Variants in PEX5 observed in about 807,000 individuals in gnomAD.
The protein encoded by PEX5 is PTS1 receptor.
In PEX5, 52 loss-of-function variants were observed where a neutral mutation model predicts 82.9. The ratio of observed to expected loss-of-function variants is 0.63; its 90% CI spans 0.50 to 0.79. The LOEUF (loss-of-function observed/expected upper bound fraction) is 0.79. Ranked by LOEUF, PEX5 falls within the 30% of genes least tolerant of loss-of-function variation. The pLI is 0.00. For synonymous variants in PEX5, 300 were observed against 318.8 expected, an observed-to-expected ratio of 0.94 and a Z score of 0.63; for missense variants, 719 against 815.2, an observed-to-expected ratio of 0.88 and a Z score of 1.44.
downstream of PEX5, among the ~76,000 whole-genome samples, chr12:7,211,954 A>AT (rs1945606685): frequency 6.8e-6 from 1 of 148,086 alleles, no homozygotes; most frequent in African/African-American, 2.5e-5. Context: ...TTGGAAAAAA[A>AT]ATTTTTTTTT....
chr12:7,207,503 A>G (rs971876968), intron 10 of PEX5, among the ~76,000 whole-genome samples, 156 bp from the exon 11 acceptor site: 3 of 152,190 alleles, frequency 2.0e-5, no homozygotes, highest in Admixed American at 6.5e-5. Context: ...TACTTGTGTC[A>G]TACATGATCT....
intron 5 of PEX5, among the ~76,000 whole-genome samples, chr12:7,198,109 AC>A (rs1440774921): frequency 2.6e-5 from 4 of 151,926 alleles, no homozygotes; most frequent in Admixed American, 6.6e-5. Context: ...ACAGTTCAGC[AC>A]CCTCATTGAG....
upstream of PEX5, chr12:7,189,547 A>C: frequency 5.2e-6 from 1 of 193,780 alleles, no homozygotes. Flanking sequence ...CTTCCCCTTT[A>C]AGACTCACGG....
At position 7,210,074 on chromosome 12, in the gene PEX5, G is replaced by C. The variant is rs375897299; in HGVS notation, c.1771G>C (p.Gly591Arg). ...EALNMQRKSR[G>R]PRGEGGAMSE... ...CCTGAACATGCAGAGGAAAAGCCGG[G>C]GCCCCCGGGGTGAAGGAGGTGCCAT... Residue 591 changes from glycine (G) to arginine (R), a missense_variant, in exon 16 of 16, where the codon GGC (glycine) becomes CGC (arginine). By Grantham distance (125) the Gly-to-Arg change is moderately radical. Coordinates refer to ENST00000675855, the MANE Select transcript of PEX5 (RefSeq NM_001351132.2). 6.2e-7 allele frequency: 1 copy of C among 1,614,254 alleles called. No homozygotes were observed. The highest frequency in any genetic ancestry group is 1.1e-5 in the South Asian group (1 of 91,086).
chr12:7,196,335 T>C (rs1456661885), intron 5 of PEX5, among the ~76,000 whole-genome samples: 2 of 134,350 alleles, frequency 1.5e-5, no homozygotes, highest in African/African-American at 5.3e-5. Context: ...TCATAATTTA[T>C]ATATGTCATA....
chr12:7,189,832 G>T, intron 1 of PEX5, 82 bp downstream of exon 1: 1 of 1,107,144 alleles, frequency 9.0e-7, no homozygotes, highest in Non-Finnish European at 1.2e-6. Flanking sequence ...GGTCCCAGGG[G>T]CGGGGCTGGA....
intron 4 of PEX5, 104 bp downstream of exon 4, chr12:7,191,462 A>C (rs1419748647): frequency 6.3e-7 from 1 of 1,594,400 alleles, no homozygotes; most frequent in African/African-American, 1.3e-5. Flanking sequence ...TGAGATGCAG[A>C]AGGAGACAAA....
rs1483025256 is a variant in PEX5, at chr12:7,210,645, A to C, written c.*422A>C. The stretch of plus-strand genomic sequence containing the variant: ...AGCTTCCTTGGGCAGTGTAAGTAGG[A>C]GGTTCATCTGCTGTGCGCCTCTAAT... On this transcript the variant is annotated 3_prime_UTR_variant, in exon 16 of 16. Coordinates refer to ENST00000675855, the MANE Select transcript of PEX5 (RefSeq NM_001351132.2). The C allele has an allele frequency of 3.1e-6, 1 of 321,318 alleles. No individual in the cohort carries two copies. The highest frequency in any genetic ancestry group is 6.1e-6 in the Non-Finnish European group (1 of 165,216). The allele number at this position is 321,318 out of a possible 1,614,324, so 19.9% of individuals were successfully genotyped here.
intron 3 of PEX5, 52 bp from the exon 4 acceptor site, chr12:7,191,174 T>TG (rs1941028475): frequency 2.5e-6 from 4 of 1,612,102 alleles, no homozygotes; most frequent in Middle Eastern, 1.7e-4. Context: ...TCCTGCCTCT[T>TG]GCTGGGGCCT....
At position 7,196,024 on chromosome 12, in the gene PEX5, C is replaced by CATTATAA. The variant is rs1555174622; in HGVS notation, c.449-2981_449-2980insAATTATA. Among the ~76,000 whole-genome samples, 8 of 66,962 alleles carry CATTATAA rather than the reference C, an allele frequency of 1.2e-4. No homozygotes were observed. The East Asian group carries it at 2.2e-3, about 18-fold the overall frequency. 43.9% of individuals were successfully genotyped at this position (66,962 alleles called of 152,430 possible). A position where few individuals can be genotyped will look rare whatever the true frequency, so the allele number is the denominator to read the frequency against. On this transcript the variant is annotated intron_variant, in intron 5 of 15. Transcript: ENST00000675855. ...CAACCATATTTCTTATTACATTATA[C>CATTATAA]ATTATATATTATATATATTATATAT...
intron 10 of PEX5, among the ~76,000 whole-genome samples, chr12:7,205,948 A>G (rs1160491022): frequency 6.6e-6 from 1 of 152,236 alleles, no homozygotes; most frequent in African/African-American, 2.4e-5. Context: ...TACAGATAGT[A>G]TCTTAAGCTT....
rs11339507 is a variant in PEX5, at chr12:7,193,234, CTT to C, written c.448+1552_448+1553del. ...TCATGTCTGTGTGGCTCTTGAGATTCTTTTTTTTTTTTTTTTTTTGAGACAGG... is the reference window on the plus strand; with the variant it reads ...TCATGTCTGTGTGGCTCTTGAGATTCTTTTTTTTTTTTTTTTTGAGACAGG... On this transcript the variant is annotated intron_variant, in intron 5 of 15. Coordinates refer to ENST00000675855, the MANE Select transcript of PEX5 (RefSeq NM_001351132.2). Among the ~76,000 whole-genome samples, 372 of 121,054 alleles carry C rather than the reference CTT, an allele frequency of 3.1e-3. 2 individuals carry two copies. Among genetic ancestry groups the C allele is most frequent in the East Asian group, 0.018 (77 of 4,352 alleles). The allele number at this position is 121,054 out of a possible 152,430, so 79.4% of individuals were successfully genotyped here.
Position 7,190,357 on chromosome 12 carries a change from A to AT in PEX5, c.-16-4dup. 6.2e-7 allele frequency: 1 copy of AT among 1,614,086 alleles called. No individual in the cohort carries two copies. The highest frequency in any genetic ancestry group is 8.5e-7 in the Non-Finnish European group (1 of 1,180,008). ...CCTCAGTTCCAAACCTCCTGTGTCCATCAGAGAGCTGGCGGTCACCATGGC... is the reference window on the plus strand; with the variant it reads ...CCTCAGTTCCAAACCTCCTGTGTCCATTCAGAGAGCTGGCGGTCACCATGGC... On this transcript the variant is annotated splice_polypyrimidine_tract_variant and splice_region_variant and intron_variant, in intron 1 of 15. Coordinates refer to ENST00000675855, the MANE Select transcript of PEX5 (RefSeq NM_001351132.2).
At chr12:7,212,385 A>G (rs1484196005), downstream of PEX5, among the ~76,000 whole-genome samples, 1 of 150,330 alleles carries the variant, frequency 6.7e-6, no homozygotes, top group Non-Finnish European at 1.5e-5. Context: ...CAGCCTCCCA[A>G]AGTTCTGGGA....
chr12:7,208,119 G>T (rs759306595), intron 12 of PEX5, 39 bp downstream of exon 12: 1 of 1,439,852 alleles, frequency 6.9e-7, no homozygotes, highest in Non-Finnish European at 9.8e-7. Context: ...TGCTTCCAAG[G>T]CTCTGCATAT....
intron 6 of PEX5, among the ~76,000 whole-genome samples, chr12:7,201,404 G>A (rs1478145785): frequency 1.3e-5 from 2 of 151,920 alleles, no homozygotes; most frequent in African/African-American, 2.4e-5. Context: ...TATGTATATA[G>A]GTAAATATAT....
chr12:7,194,055 G>A (rs1941670430), intron 5 of PEX5, among the ~76,000 whole-genome samples: 1 of 152,184 alleles, frequency 6.6e-6, no homozygotes, highest in Non-Finnish European at 1.5e-5. Flanking sequence ...AAAGCTAAAG[G>A]AAAGGAGTTC....
chr12:7,213,607 T>C (rs1243078983), downstream of PEX5, among the ~76,000 whole-genome samples: 6 of 150,014 alleles, frequency 4.0e-5, no homozygotes, highest in Non-Finnish European at 8.9e-5. Flanking sequence ...ATGTTAGACC[T>C]AAAACCATAA....
chr12:7,193,422 CAG>C (rs1941530219), intron 5 of PEX5, among the ~76,000 whole-genome samples: 1 of 151,996 alleles, frequency 6.6e-6, no homozygotes, highest in Non-Finnish European at 1.5e-5. Flanking sequence ...TTAGTAGAGA[CAG>C]GGTTTCACCA....
Sources: gnomAD v4.1 joint callset for allele counts (sites outside exome capture counted in the v4.1 genomes callset) on GRCh38, gnomAD v4.1.1 for gene constraint, MANE v1.5 for transcripts, NCBI Gene and HGNC (gene_info 2026-07-23, HGNC 2026-07-21) for gene names.